The following LRRTM4 variants were observed in gnomAD, a reference collection of about 807,000 sequenced individuals.
LRRTM4 encodes leucine-rich repeat transmembrane neuronal protein 4.
LRRTM4 carries 25 observed loss-of-function variants against 47.6 expected under a neutral mutation model. The observed-to-expected ratio is 0.53, with a 90% CI of 0.38 to 0.73. The LOEUF is 0.73. LRRTM4 is among the 30% of genes least tolerant of loss of function. LRRTM4 has a pLI of 0.00. For missense variants in LRRTM4, 638 were observed against 713.4 expected, an observed-to-expected ratio of 0.89 and a Z score of 1.20; for synonymous variants, 311 against 269.5, an observed-to-expected ratio of 1.15 and a Z score of -1.51.
At chr2:77,007,176 ACACACG>A (rs1475201398) in intron 3 of LRRTM4, among the ~76,000 whole-genome samples, 2 of 152,124 alleles carry the variant, frequency 1.3e-5, no homozygotes, top group Admixed American at 6.6e-5. Context: ...ACACACACAC[ACACACG>A]CATATATATA....
chr2:77,103,667 A>ATATATATATATATATATCTC, intron 3 of LRRTM4, among the ~76,000 whole-genome samples: 1 of 146,284 alleles, frequency 6.8e-6, no homozygotes, highest in East Asian at 2.1e-4. Flanking sequence ...ATATATAGAT[A>ATATATATATATATATATCTC]TATATATCAC....
chr2:77,502,661 G>T (rs1341214230), intron 3 of LRRTM4, among the ~76,000 whole-genome samples: 2 of 151,580 alleles, frequency 1.3e-5, no homozygotes, highest in African/African-American at 2.4e-5. Context: ...AAAAAGTCAT[G>T]TTACCTTCTG....
In LRRTM4 at chr2:77,011,891, C is replaced by T. The variant is rs551938774; in HGVS notation, c.1552-262975G>A. On this transcript the variant is annotated intron_variant, in intron 3 of 3. Transcript: ENST00000409884. ...GATTTTTATCGCTCTTAACCATTCA[C>T]GTGGTTGAGACCTCAGAACTGCCAA... Among the ~76,000 whole-genome samples the T allele has an allele frequency of 2.1e-4, 32 of 151,970 alleles. No homozygotes were observed. The Middle Eastern group carries it at 0.01, about 48-fold the overall frequency.
At chr2:77,215,612 T>G (rs1312663451) in intron 3 of LRRTM4, among the ~76,000 whole-genome samples, 1 of 152,190 alleles carries the variant, frequency 6.6e-6, no homozygotes, top group Non-Finnish European at 1.5e-5. Flanking sequence ...GACTTATTTT[T>G]GGGGTGAAAC....
intron 3 of LRRTM4, among the ~76,000 whole-genome samples, chr2:77,437,864 G>A (rs1408706439): frequency 1.3e-5 from 2 of 152,208 alleles, no homozygotes; most frequent in African/African-American, 2.4e-5. Context: ...TTGTCCATGT[G>A]GGAGGTGAGG....
At chr2:76,861,879 T>C (rs1269698945) in intron 3 of LRRTM4, among the ~76,000 whole-genome samples, 2 of 152,144 alleles carry the variant, frequency 1.3e-5, no homozygotes, top group Non-Finnish European at 2.9e-5. Context: ...CAGGCATATA[T>C]GGAAACAGGA....
intron 3 of LRRTM4, among the ~76,000 whole-genome samples, chr2:76,965,647 A>T (rs1286017499): frequency 2.0e-5 from 3 of 151,368 alleles, no homozygotes; most frequent in African/African-American, 7.3e-5. Flanking sequence ...GCCTGATTTT[A>T]GCTGAATTCA....
chr2:77,274,942 C>T (rs1275951658), intron 3 of LRRTM4, among the ~76,000 whole-genome samples: 1 of 152,114 alleles, frequency 6.6e-6, no homozygotes, highest in Non-Finnish European at 1.5e-5. Flanking sequence ...ATGGGCATCA[C>T]TGCATGTGTC....
Position 77,452,211 on chromosome 2 carries a change from C to G in LRRTM4, c.1551+66107G>C, listed in dbSNP as rs80330825. On this transcript the variant is annotated intron_variant, in intron 3 of 3. Transcript: ENST00000409884. ...GAGACCAGCTTACTAAAGATGAAAA[C>G]AGATAAAGGGGAACAGTTTATTAAG... is the stretch of plus-strand genomic sequence containing the variant. Among the ~76,000 whole-genome samples the G allele has an allele frequency of 3.9e-5, 6 of 152,182 alleles. No homozygotes were observed. The East Asian group carries it at 1.2e-3, about 29-fold the overall frequency.
chr2:77,073,864 T>C (rs1558564017), intron 3 of LRRTM4, among the ~76,000 whole-genome samples: 3 of 152,144 alleles, frequency 2.0e-5, no homozygotes, highest in South Asian at 2.1e-4. Flanking sequence ...TTTCTGGGAA[T>C]CTGGTGAAGC....
intron 3 of LRRTM4, among the ~76,000 whole-genome samples, chr2:77,240,839 T>G (rs1675239075): frequency 6.6e-6 from 1 of 151,988 alleles, no homozygotes; most frequent in Admixed American, 6.6e-5. Flanking sequence ...CATTAATTAT[T>G]AAGGTAACAA....
chr2:76,937,334 G>A (rs1674989374), intron 3 of LRRTM4, among the ~76,000 whole-genome samples: 1 of 151,922 alleles, frequency 6.6e-6, no homozygotes, highest in African/African-American at 2.4e-5. Flanking sequence ...GGAAAAATGG[G>A]GGTTTCTAGG....
At position 76,850,567 on chromosome 2, in the gene LRRTM4, A is replaced by G. The variant is rs1160113652; in HGVS notation, c.1552-101651T>C. On this transcript the variant is annotated intron_variant, in intron 3 of 3. Transcript: ENST00000409884. ...ATGATATGTTTAAGCAAGGGATATA[A>G]GAGCGATTGAGAAATGGAAATTATT... is the stretch of plus-strand genomic sequence containing the variant. Among the ~76,000 whole-genome samples the G allele has an allele frequency of 3.9e-5, 6 of 152,322 alleles. No homozygotes were observed. The East Asian group carries it at 1.2e-3, about 29-fold the overall frequency.
intron 3 of LRRTM4, among the ~76,000 whole-genome samples, chr2:77,075,632 G>A (rs1297982443): frequency 1.3e-5 from 2 of 151,886 alleles, no homozygotes; most frequent in African/African-American, 4.8e-5. Flanking sequence ...TTTTAAAAAT[G>A]GGGCCGGGCG....
At chr2:77,391,249 T>C (rs971747101) in intron 3 of LRRTM4, among the ~76,000 whole-genome samples, 1 of 152,042 alleles carries the variant, frequency 6.6e-6, no homozygotes, top group Non-Finnish European at 1.5e-5. Flanking sequence ...GAAATGTGTA[T>C]GTGCTTCTAT....
intron 3 of LRRTM4, among the ~76,000 whole-genome samples, chr2:77,252,089 A>C (rs1284179519): frequency 1.3e-5 from 2 of 152,228 alleles, no homozygotes; most frequent in African/African-American, 4.8e-5. Flanking sequence ...AAAGTCAACA[A>C]ATCCGTCATT....
intron 3 of LRRTM4, among the ~76,000 whole-genome samples, chr2:76,849,719 G>A (rs1671936987): frequency 6.6e-6 from 1 of 151,854 alleles, no homozygotes; most frequent in Admixed American, 6.6e-5. Context: ...TAAAACAAAT[G>A]CTTGCGAAAA....
rs563780528 is a variant in LRRTM4 at position 77,287,667 on chromosome 2, T to C, written c.1551+230651A>G. On this transcript the variant is annotated intron_variant, in intron 3 of 3. Transcript: ENST00000409884. The stretch of plus-strand genomic sequence containing the variant: ...AATTATTTCTTTATCCACTACAGAG[T>C]GGATATTACCCACCTGTTAGTAACT... Among the ~76,000 whole-genome samples, 9 of 152,174 alleles carry C rather than the reference T, an allele frequency of 5.9e-5. No homozygotes were observed. The East Asian group carries it at 1.4e-3, about 23-fold the overall frequency.
intron 3 of LRRTM4, among the ~76,000 whole-genome samples, chr2:76,790,544 G>GA (rs1196460935): frequency 6.6e-6 from 1 of 152,068 alleles, no homozygotes; most frequent in East Asian, 1.9e-4. Flanking sequence ...GTTTAAATAA[G>GA]AAAAACATGT....
Sources: allele counts gnomAD v4.1 joint callset (sites outside exome capture counted in the v4.1 genomes callset), GRCh38; gene constraint gnomAD v4.1.1; transcripts MANE v1.5; gene names NCBI Gene and HGNC (gene_info 2026-07-23, HGNC 2026-07-21).